The following CAMKK2 variants were observed in gnomAD, a reference collection of about 807,000 sequenced individuals.
CAMKK2 encodes the protein calcium/calmodulin-dependent protein kinase kinase 2.
In CAMKK2, 30 loss-of-function variants were observed where a neutral mutation model predicts 67.2. The ratio of observed to expected loss-of-function variants is 0.45; its 90% CI spans 0.33 to 0.61. CAMKK2 has a LOEUF of 0.61. Ranked by LOEUF, CAMKK2 falls within the 20% of genes least tolerant of loss-of-function variation. The pLI, the probability that CAMKK2 is intolerant of heterozygous loss-of-function variation, is 0.02. For synonymous variants in CAMKK2, 322 were observed against 326.2 expected (o/e 0.99, Z 0.14); for missense variants, 643 against 802.0 (o/e 0.80, Z 2.39).
chr12:121,248,781 C>CA (rs1555246962), intron 13 of CAMKK2, 47 bp from the exon 14 acceptor site: 2 of 1,609,908 alleles, frequency 1.2e-6, no homozygotes, highest in Non-Finnish European at 1.7e-6. Context: ...GGCTGGCTAC[C>CA]GGGGGGCCCT....
intron 6 of CAMKK2, among the ~76,000 whole-genome samples, chr12:121,262,344 C>T (rs919096107): frequency 7.2e-5 from 11 of 152,004 alleles, no homozygotes; most frequent in African/African-American, 1.2e-4. Context: ...AACCCCATCT[C>T]CATTAAAAAT....
chr12:121,279,641 G>A (rs1051324058), intron 1 of CAMKK2, among the ~76,000 whole-genome samples: 1 of 152,200 alleles, frequency 6.6e-6, no homozygotes, highest in Admixed American at 6.5e-5. Context: ...CGTGAGAGGA[G>A]GACTTTTTTG....
At chr12:121,246,275 G>A (rs990334509) in intron 14 of CAMKK2, among the ~76,000 whole-genome samples, 7 of 151,788 alleles carry the variant, frequency 4.6e-5, no homozygotes, top group Non-Finnish European at 8.8e-5. Flanking sequence ...GGCGGGCGTG[G>A]TGGCTCATGC....
At chr12:121,284,379 C>T (rs1190654303) in intron 1 of CAMKK2, among the ~76,000 whole-genome samples, 2 of 152,178 alleles carry the variant, frequency 1.3e-5, no homozygotes, top group East Asian at 3.8e-4. Context: ...GGCTAGAATG[C>T]AGTGGTGTGA....
intron 5 of CAMKK2, among the ~76,000 whole-genome samples, chr12:121,268,010 C>A (rs1352401519): frequency 6.8e-6 from 1 of 146,120 alleles, no homozygotes; most frequent in African/African-American, 2.6e-5. Flanking sequence ...ATAATGTCTT[C>A]AAGACCCCTC....
At chr12:121,264,500 C>T (rs546319845) in intron 5 of CAMKK2, among the ~76,000 whole-genome samples, 17 of 152,160 alleles carry the variant, frequency 1.1e-4, no homozygotes, top group Middle Eastern at 3.4e-3. Flanking sequence ...TAGGGCCGGG[C>T]ACAGTGCCTC....
chr12:121,295,097 G>A (rs575110433), intron 1 of CAMKK2, among the ~76,000 whole-genome samples: 1 of 152,174 alleles, frequency 6.6e-6, no homozygotes, highest in Non-Finnish European at 1.5e-5. Flanking sequence ...TTGAACCCGG[G>A]AGGCGGAGGT....
In CAMKK2 at chr12:121,287,057, A is replaced by T. The variant is rs532650667; in HGVS notation, c.-60+9581T>A. Among the ~76,000 whole-genome samples the T allele has an allele frequency of 2.5e-3, 384 of 152,040 alleles. 1 individual carries two copies. The highest frequency in any genetic ancestry group is 8.9e-3 in the African/African-American group (370 of 41,478). ...GTATCTGGGACTACAGGCATACACC[A>T]CCACACTTGGCTAATTTTTTGTATT... On this transcript the variant is annotated intron_variant, in intron 1 of 16. Coordinates refer to ENST00000404169, the MANE Select transcript of CAMKK2 (RefSeq NM_001270485.2).
At chr12:121,256,791 T>C (rs1892380382) in intron 7 of CAMKK2, among the ~76,000 whole-genome samples, 1 of 152,224 alleles carries the variant, frequency 6.6e-6, no homozygotes, top group Admixed American at 6.5e-5. Context: ...CCACATTTTC[T>C]TTGTCCATTC....
intron 1 of CAMKK2, among the ~76,000 whole-genome samples, chr12:121,276,431 C>G (rs1250962919): frequency 6.6e-6 from 1 of 152,136 alleles, no homozygotes. Flanking sequence ...GAGATCGCAC[C>G]ACTGCACTGC....
intron 9 of CAMKK2, among the ~76,000 whole-genome samples, chr12:121,254,552 G>C (rs1417126294): frequency 2.6e-5 from 4 of 152,148 alleles, no homozygotes; most frequent in South Asian, 2.1e-4. Flanking sequence ...GCCCTGGTGA[G>C]AGATATGTTA....
At chr12:121,264,071 AG>A in intron 5 of CAMKK2, 132 bp from the exon 6 acceptor site, 1 of 821,442 alleles carries the variant, frequency 1.2e-6, no homozygotes. Context: ...TGCTGCCACC[AG>A]GGGCTTTAAC....
chr12:121,284,742 G>A (rs1353803487), intron 1 of CAMKK2, among the ~76,000 whole-genome samples: 2 of 152,192 alleles, frequency 1.3e-5, no homozygotes, highest in African/African-American at 2.4e-5. Context: ...ATTTGGGCAG[G>A]CAGCCCATTC....
At position 121,274,068 on chromosome 12, in the gene CAMKK2, G is replaced by T; in HGVS notation, c.459C>A (p.Ile153=). The change falls in exon 2 of 17, where the codon ATC becomes ATA. Residue 153 remains isoleucine, a synonymous_variant. Coordinates refer to ENST00000404169, the MANE Select transcript of CAMKK2 (RefSeq NM_001270485.2). ...CCGGCTCACGCACCTGCATACCCGT[G>T]ATGGAGACGTGGTGAGACTCCACTG... The part of the protein sequence containing the change: ...RPTVESHHVS[I]TGMQDCVQLN... 1 of 1,505,390 alleles carries T rather than the reference G, an allele frequency of 6.6e-7. No homozygotes were observed. The highest frequency in any genetic ancestry group is 2.3e-5 in the East Asian group (1 of 43,272). The allele number at this position is 1,505,390 out of a possible 1,614,324, so 93.3% of individuals were successfully genotyped here.
rs1893988452 is a variant in CAMKK2 at position 121,263,925 on chromosome 12, G to A, written c.640C>T (p.Arg214Ter). 2.5e-6 allele frequency: 4 copies of A among 1,603,640 alleles called. No homozygotes were observed. The highest frequency in any genetic ancestry group is 1.7e-5 in the Admixed American group (1 of 59,430). ...CCTCCAGGAGCTGGCCGGGTGCCTCGGGGTGGAGGGCGACCTGAAGGAAAC... is the reference window on the plus strand; with the variant it reads ...CCTCCAGGAGCTGGCCGGGTGCCTCAGGGTGGAGGGCGACCTGAAGGAAAC... ...QAGFPRRPPP[R>*]GTRPAPGGCI... The change falls in exon 6 of 17, where the codon CGA (arginine) becomes TGA (stop). Residue 214 changes from arginine to a stop codon, truncating the protein, a stop_gained. Transcript: ENST00000404169. LOFTEE classifies it high-confidence loss of function.
In CAMKK2 at chr12:121,274,117, G is replaced by A. The variant is rs201145728; in HGVS notation, c.410C>T (p.Ser137Leu). Residue 137 changes from serine (S) to leucine (L), a missense_variant, in exon 2 of 17, where the codon TCG (serine) becomes TTG (leucine). This residue lies in a region of CAMKK2 where 483 missense variants were observed against 625.8 expected (regional missense o/e 0.77). Coordinates refer to ENST00000404169, the MANE Select transcript of CAMKK2 (RefSeq NM_001270485.2). ...PYSPVSSPQS[S>L]PRLPRRPTVE... ...TGTCGGCCGCCGGGGCAGCCGAGGC[G>A]AGGACTGCGGGGAGCTGACGGGTGA... is the stretch of plus-strand genomic sequence containing the variant. 8.3e-6 allele frequency: 13 copies of A among 1,559,244 alleles called. No individual in the cohort carries two copies. Among genetic ancestry groups the A allele is most frequent in the South Asian group, 3.5e-5 (3 of 84,602 alleles).
chr12:121,255,477 C>G (rs925478195), intron 9 of CAMKK2, 73 bp downstream of exon 9: 1 of 1,296,168 alleles, frequency 7.7e-7, no homozygotes, highest in African/African-American at 1.5e-5. Context: ...AAATAAGACA[C>G]TTTCCACTTT....
In CAMKK2 at chr12:121,237,766, T is replaced by G. The variant is rs1473687600; in HGVS notation, c.*2933A>C. ...ACACCTGTGGAAAAACACGAAAGGC[T>G]TAGTTGTCTCTTAAGTTCATGTACT... On this transcript the variant is annotated 3_prime_UTR_variant, in exon 17 of 17. Transcript: ENST00000404169. The surrounding 1 kb of genome is among the most constrained non-coding windows in gnomAD (Gnocchi z 4.5). 1 of 152,630 alleles carries G rather than the reference T, an allele frequency of 6.6e-6. No homozygotes were observed. The highest frequency in any genetic ancestry group is 1.9e-4 in the East Asian group (1 of 5,204). 9.5% of individuals were successfully genotyped at this position (152,630 alleles called of 1,614,324 possible).
chr12:121,273,170 G>T (rs1566103592), intron 2 of CAMKK2, among the ~76,000 whole-genome samples: 1 of 152,140 alleles, frequency 6.6e-6, no homozygotes, highest in South Asian at 2.1e-4. Flanking sequence ...AGGCTGGAGG[G>T]TGCTTTAGGG....
Sources: gnomAD v4.1 joint callset for allele counts (sites outside exome capture counted in the v4.1 genomes callset) on GRCh38, gnomAD v4.1.1 for gene constraint, gnomAD v4.1.1 regional missense constraint, Gnocchi (gnomAD v3.1) non-coding constraint, MANE v1.5 for transcripts, NCBI Gene and HGNC (gene_info 2026-07-23, HGNC 2026-07-21) for gene names.